The following EFCAB13 variants were observed in gnomAD, a reference collection of about 807,000 sequenced individuals.
EFCAB13 encodes EF-hand calcium-binding domain-containing protein 13.
Under a neutral mutation model 110.2 loss-of-function variants are expected in EFCAB13, and 91 were observed. That is an observed-to-expected ratio of 0.83 (90% confidence interval 0.70 to 0.98). The LOEUF (loss-of-function observed/expected upper bound fraction) is 0.98. EFCAB13 is among the 50% of genes least tolerant of loss of function. EFCAB13 has a pLI of 0.00. For missense variants in EFCAB13, 968 were observed against 1,119.4 expected (o/e 0.86, Z 1.93); for synonymous variants, 323 against 369.9 (o/e 0.87, Z 1.45).
intron 23 of EFCAB13, among the ~76,000 whole-genome samples, chr17:47,425,953 A>G (rs1366606923): frequency 1.3e-5 from 2 of 152,230 alleles, no homozygotes; most frequent in Non-Finnish European, 2.9e-5. Flanking sequence ...AGCGAGCACA[A>G]TGTATCAAAG....
chr17:47,362,515 G>A (rs780273981), intron 10 of EFCAB13, among the ~76,000 whole-genome samples: 14 of 152,150 alleles, frequency 9.2e-5, no homozygotes, highest in Non-Finnish European at 1.9e-4. Flanking sequence ...TTCCCCGGGG[G>A]AGTTTAGAGA....
intron 10 of EFCAB13, among the ~76,000 whole-genome samples, chr17:47,363,899 G>T (rs1207581396): frequency 1.3e-5 from 2 of 152,130 alleles, no homozygotes. Context: ...TGAGGCATGA[G>T]TGGAAGGATA....
At chr17:47,393,741 TAAATAAATAAATAA>T (rs1233525742) in intron 15 of EFCAB13, among the ~76,000 whole-genome samples, 1 of 148,422 alleles carries the variant, frequency 6.7e-6, no homozygotes, top group African/African-American at 2.5e-5. Context: ...AATAAATAAA[TAAATAAATAAATAA>T]AAATAAAAAT....
chr17:47,434,536 A>C (rs1567809548), intron 24 of EFCAB13, among the ~76,000 whole-genome samples: 3 of 151,196 alleles, frequency 2.0e-5, no homozygotes, highest in Non-Finnish European at 4.5e-5. Context: ...TCACAGAACT[A>C]AAAAAAGTCC....
intron 24 of EFCAB13, among the ~76,000 whole-genome samples, chr17:47,437,611 A>G (rs914882477): frequency 4.6e-5 from 7 of 152,154 alleles, no homozygotes; most frequent in South Asian, 2.1e-4. Context: ...TTTGCATGAA[A>G]TGCCTTTTTC....
chr17:47,351,227 G>A (rs1488501133), intron 9 of EFCAB13, among the ~76,000 whole-genome samples: 1 of 151,238 alleles, frequency 6.6e-6, no homozygotes, highest in Non-Finnish European at 1.5e-5. Flanking sequence ...TTTCATCCAT[G>A]TTGCTGTAAA....
intron 15 of EFCAB13, 42 bp from the exon 16 acceptor site, chr17:47,393,983 T>C (rs181284588): frequency 2.0e-5 from 22 of 1,122,840 alleles, no homozygotes; most frequent in Admixed American, 1.9e-4. Context: ...TTCATAATAA[T>C]ACTTAAAAGA....
At chr17:47,405,008 C>T (rs2065798131) in intron 20 of EFCAB13, among the ~76,000 whole-genome samples, 1 of 151,982 alleles carries the variant, frequency 6.6e-6, no homozygotes, top group Non-Finnish European at 1.5e-5. Context: ...CAGAAATATC[C>T]CTATGAAGCT....
chr17:47,405,255 T>G (rs1244188870), intron 20 of EFCAB13, among the ~76,000 whole-genome samples: 1 of 152,198 alleles, frequency 6.6e-6, no homozygotes, highest in Non-Finnish European at 1.5e-5. Context: ...ATTACAAACA[T>G]TTGGTGAGTA....
At chr17:47,403,742 C>T in intron 18 of EFCAB13, 136 bp from the exon 19 acceptor site, 1 of 676,448 alleles carries the variant, frequency 1.5e-6, no homozygotes, top group Non-Finnish European at 2.2e-6. Flanking sequence ...CCATAGAATT[C>T]TATGAGGGGA....
chr17:47,339,085 T>G (rs1353833941), intron 5 of EFCAB13, among the ~76,000 whole-genome samples: 9 of 152,198 alleles, frequency 5.9e-5, no homozygotes. Context: ...TTTTTTTATG[T>G]CACAGTTTTG....
In EFCAB13 at chr17:47,347,807, G is replaced by A. The variant is rs2065426240; in HGVS notation, c.518-1G>A. ...CTAAATGTTTTGTTATGTGTGTGCA[G>A]CACTTCATAAAGCCTGTAAAATTTT... is the stretch of plus-strand genomic sequence containing the variant. On this transcript the variant is annotated splice_acceptor_variant, in intron 8 of 24. Transcript: ENST00000331493. LOFTEE classifies it high-confidence loss of function. 5 of 1,475,704 alleles carry A rather than the reference G, an allele frequency of 3.4e-6. No individual in the cohort carries two copies. Among genetic ancestry groups the A allele is most frequent in the Non-Finnish European group, 4.6e-6 (5 of 1,095,984 alleles). 91.4% of individuals were successfully genotyped at this position (1,475,704 alleles called of 1,614,324 possible).
In EFCAB13 at chr17:47,404,596, G is replaced by A; in HGVS notation, c.2196G>A (p.Arg732=). The A allele has an allele frequency of 6.2e-7, 1 of 1,612,654 alleles. No individual in the cohort carries two copies. ...TGGTGAACATTAAAGACTGTATGAG[G>A]GCTTTGAGGGACACCCAGAAATTTT... ...DNMVNIKDCM[R]ALRDTQKFSN... The change falls in exon 20 of 25, where the codon AGG becomes AGA. Residue 732 remains arginine, a synonymous_variant. Coordinates refer to ENST00000331493, the MANE Select transcript of EFCAB13 (RefSeq NM_152347.5).
At chr17:47,371,371 A>C (rs2065583833) in intron 11 of EFCAB13, among the ~76,000 whole-genome samples, 1 of 152,076 alleles carries the variant, frequency 6.6e-6, no homozygotes, top group Non-Finnish European at 1.5e-5. Context: ...CTTATGTTTA[A>C]GTCTTTAATC....
chr17:47,393,981 A>G, intron 15 of EFCAB13, 44 bp from the exon 16 acceptor site: 1 of 1,100,946 alleles, frequency 9.1e-7, no homozygotes, highest in Non-Finnish European at 1.3e-6. Flanking sequence ...TTTTCATAAT[A>G]ATACTTAAAA....
At chr17:47,325,342 A>G (rs1386390968) in intron 2 of EFCAB13, among the ~76,000 whole-genome samples, 2 of 152,134 alleles carry the variant, frequency 1.3e-5, no homozygotes, top group East Asian at 1.9e-4. Flanking sequence ...TCACTCTTGA[A>G]GTACTTTCTT....
chr17:47,384,786 A>G lies in EFCAB13; in HGVS notation c.1582+5533A>G, dbSNP rs199790050. The stretch of plus-strand genomic sequence containing the variant: ...GCTGCCCTTAACTTTTTTTTTTTTT[A>G]TTGAGAAGGAGTCTCGCTCTGTTGC... On this transcript the variant is annotated intron_variant, in intron 14 of 24. Coordinates refer to ENST00000331493, the MANE Select transcript of EFCAB13 (RefSeq NM_152347.5). 1.1e-4 allele frequency among the ~76,000 whole-genome samples: 15 copies of G among 134,818 alleles called. No individual in the cohort carries two copies. The East Asian group carries it at 3.0e-3, about 27-fold the overall frequency. The allele number at this position is 134,818 out of a possible 152,430, so 88.4% of individuals were successfully genotyped here. A position where few individuals can be genotyped will look rare whatever the true frequency, so the allele number is the denominator to read the frequency against.
chr17:47,391,378 A>C, intron 14 of EFCAB13, 59 bp from the exon 15 acceptor site: 1 of 1,288,380 alleles, frequency 7.8e-7, no homozygotes, highest in Non-Finnish European at 1.0e-6. Flanking sequence ...TCATCTTGTT[A>C]GTGGTGTTTT....
chr17:47,388,400 C>G (rs1484239884), intron 14 of EFCAB13, among the ~76,000 whole-genome samples: 21 of 152,086 alleles, frequency 1.4e-4, no homozygotes, highest in Admixed American at 1.4e-3. Flanking sequence ...CTTCTCTGTG[C>G]CCCCAGGAGT....
Sources: allele counts gnomAD v4.1 joint callset (sites outside exome capture counted in the v4.1 genomes callset), GRCh38; gene constraint gnomAD v4.1.1; transcripts MANE v1.5; gene names NCBI Gene and HGNC (gene_info 2026-07-23, HGNC 2026-07-21).